Variants in SFMBT2 observed in about 807,000 individuals in gnomAD.
SFMBT2 encodes the protein Scm like with four mbt domains 2.
SFMBT2 carries 38 observed loss-of-function variants against 110.1 expected under a neutral mutation model. That is an observed-to-expected ratio of 0.35 (90% CI 0.27 to 0.45). The LOEUF (loss-of-function observed/expected upper bound fraction) is 0.45, where lower values mean the gene tolerates loss of function less well. Ranked by LOEUF, SFMBT2 falls within the 20% of genes least tolerant of loss-of-function variation. The probability of loss-of-function intolerance (pLI) is 1.00; values close to 1 mark genes in which losing one functional copy is unlikely to be tolerated. For synonymous variants in SFMBT2, 425 were observed against 425.4 expected (o/e 1.00, Z 0.01); for missense variants, 1,011 against 1,094.9 (o/e 0.92, Z 1.08).
intron 12 of SFMBT2, chr10:7,204,917 T>C (rs1839078311): frequency 1.0e-6 from 1 of 984,904 alleles, no homozygotes; most frequent in Non-Finnish European, 1.2e-6. Context: ...TAAATGTGCA[T>C]GTGCGTGTGT....
intron 4 of SFMBT2, among the ~76,000 whole-genome samples, chr10:7,357,987 C>A (rs1015021091): frequency 3.9e-5 from 6 of 152,128 alleles, no homozygotes; most frequent in African/African-American, 1.2e-4. Flanking sequence ...GGCTCTAGAA[C>A]ACCTGCATGG....
At chr10:7,386,720 C>T (rs932911681) in intron 1 of SFMBT2, among the ~76,000 whole-genome samples, 1 of 152,218 alleles carries the variant, frequency 6.6e-6, no homozygotes, top group African/African-American at 2.4e-5. Context: ...GCTTCTGTCG[C>T]TCCAAAGAGA....
chr10:7,197,671 T>G lies in SFMBT2; in HGVS notation c.1575A>C (p.Lys525Asn), dbSNP rs776419698. The G allele has an allele frequency of 1.9e-6, 3 of 1,614,130 alleles. No individual in the cohort carries two copies. Among genetic ancestry groups the G allele is most frequent in the Non-Finnish European group, 2.5e-6 (3 of 1,180,014 alleles). ...TGATGAAGAGCTGAGGACAGCAGTA[T>G]TTCCCGTTGACGGTTCCTGCAGGGG... ...HLDTTGTVNG[K>N]YCCPQLFINH... Residue 525 changes from lysine (K) to asparagine (N), a missense_variant, in exon 15 of 21, where the codon AAA becomes AAC. Around this residue, in one of 2 missense-constraint regions of SFMBT2, gnomAD observed 979 missense variants for 1,016.1 expected, o/e 0.96. Coordinates refer to ENST00000397167, the MANE Select transcript of SFMBT2 (RefSeq NM_001387889.1).
At chr10:7,292,578 AC>A (rs1364868594) in intron 4 of SFMBT2, among the ~76,000 whole-genome samples, 1 of 152,246 alleles carries the variant, frequency 6.6e-6, no homozygotes, top group Non-Finnish European at 1.5e-5. Flanking sequence ...CAGAAAAATT[AC>A]ACTTACACAC....
chr10:7,304,800 G>A (rs972795835), intron 4 of SFMBT2, among the ~76,000 whole-genome samples: 1 of 152,096 alleles, frequency 6.6e-6, no homozygotes, highest in African/African-American at 2.4e-5. Context: ...AACACCACCG[G>A]GTACCAAAGT....
At chr10:7,206,902 G>A in intron 11 of SFMBT2, 2 of 985,394 alleles carry the variant, frequency 2.0e-6, no homozygotes, top group Non-Finnish European at 2.4e-6. Context: ...GTCCAGCCCT[G>A]CTTGGTTTCC....
chr10:7,319,553 A>G (rs1428503048), intron 4 of SFMBT2, among the ~76,000 whole-genome samples: 1 of 152,206 alleles, frequency 6.6e-6, no homozygotes, highest in Non-Finnish European at 1.5e-5. Context: ...CAGTTATGGT[A>G]TATCAGGAAG....
chr10:7,197,226 C>A (rs760371908), intron 15 of SFMBT2, among the ~76,000 whole-genome samples: 2 of 152,162 alleles, frequency 1.3e-5, no homozygotes, highest in Non-Finnish European at 2.9e-5. Flanking sequence ...ACCTCAACTC[C>A]AGTCCTAGGC....
chr10:7,354,186 A>G (rs1844424973), intron 4 of SFMBT2, among the ~76,000 whole-genome samples: 1 of 152,150 alleles, frequency 6.6e-6, no homozygotes, highest in African/African-American at 2.4e-5. Context: ...CTCTTATCCC[A>G]ACAGTCTCGT....
Position 7,341,994 on chromosome 10 carries a change from G to C in SFMBT2, c.436+25655C>G, listed in dbSNP as rs562584690. 2.0e-3 allele frequency among the ~76,000 whole-genome samples: 302 copies of C among 152,104 alleles called. 1 individual carries two copies. Among genetic ancestry groups the C allele is most frequent in the African/African-American group, 7.1e-3 (295 of 41,456 alleles). On this transcript the variant is annotated intron_variant, in intron 4 of 20. Transcript: ENST00000397167. ...TATTTGAGCTCCAGTTTTTAGTTGA[G>C]TGTGCCAATGAAGAGTTGAGAAGTT...
intron 16 of SFMBT2, among the ~76,000 whole-genome samples, chr10:7,186,501 G>C (rs1292985101): frequency 2.1e-5 from 3 of 145,616 alleles, no homozygotes; most frequent in Non-Finnish European, 4.5e-5. Flanking sequence ...TGTAGAGACA[G>C]GGTCTTACTA....
At chr10:7,225,440 T>C (rs1257154161) in intron 10 of SFMBT2, among the ~76,000 whole-genome samples, 1 of 152,252 alleles carries the variant, frequency 6.6e-6, no homozygotes, top group East Asian at 1.9e-4. Flanking sequence ...AAAGAGCACT[T>C]ATAGCAAGCT....
chr10:7,237,007 T>C (rs1043718478), intron 9 of SFMBT2, among the ~76,000 whole-genome samples: 3 of 152,188 alleles, frequency 2.0e-5, no homozygotes, highest in Non-Finnish European at 2.9e-5. Context: ...ACCACCTCAC[T>C]GAAACGAGGA....
At chr10:7,369,103 G>A (rs1844994131) in intron 3 of SFMBT2, among the ~76,000 whole-genome samples, 1 of 152,206 alleles carries the variant, frequency 6.6e-6, no homozygotes, top group African/African-American at 2.4e-5. Context: ...TGAAGTAGGA[G>A]GATAGCTTGA....
intron 12 of SFMBT2, chr10:7,204,991 C>T: frequency 1.1e-6 from 1 of 929,484 alleles, no homozygotes; most frequent in Non-Finnish European, 1.3e-6. Flanking sequence ...TTTGGTATTT[C>T]TGTAACCAAA....
At chr10:7,383,706 G>T (rs982361399) in intron 1 of SFMBT2, among the ~76,000 whole-genome samples, 4 of 152,146 alleles carry the variant, frequency 2.6e-5, no homozygotes, top group African/African-American at 7.2e-5. Flanking sequence ...AACAGAGAAG[G>T]CCCCTGTCAA....
chr10:7,176,330 G>GA lies in SFMBT2; in HGVS notation c.1809-166dup, dbSNP rs1474114608. On this transcript the variant is annotated intron_variant, in intron 16 of 20. Transcript: ENST00000397167. Reference sequence around the variant, plus strand: ...TTATTTCTCACAGAGATATTTATAAGAAGTGCTCACTAGTGTGCAACAAAT... The same window carrying GA: ...TTATTTCTCACAGAGATATTTATAAGAAAGTGCTCACTAGTGTGCAACAAAT... 7.5e-6 allele frequency: 4 copies of GA among 535,676 alleles called. No homozygotes were observed. The South Asian group carries it at 3.3e-4, about 44-fold the overall frequency. 33.2% of individuals were successfully genotyped at this position (535,676 alleles called of 1,614,324 possible).
chr10:7,302,857 C>T (rs1842590393), intron 4 of SFMBT2, among the ~76,000 whole-genome samples: 1 of 152,196 alleles, frequency 6.6e-6, no homozygotes, highest in Non-Finnish European at 1.5e-5. Flanking sequence ...CCCTCACTCT[C>T]TCTCTCTTTT....
intron 4 of SFMBT2, among the ~76,000 whole-genome samples, chr10:7,310,720 G>T (rs1185506060): frequency 6.6e-6 from 1 of 152,086 alleles, no homozygotes. Context: ...GAGGAAACAG[G>T]CAGGTTTGAA....
Sources: gnomAD v4.1 joint callset for allele counts (sites outside exome capture counted in the v4.1 genomes callset) on GRCh38, gnomAD v4.1.1 for gene constraint, gnomAD v4.1.1 regional missense constraint, MANE v1.5 for transcripts, NCBI Gene and HGNC (gene_info 2026-07-23, HGNC 2026-07-21) for gene names.